Variants in CCDC187 observed in about 807,000 individuals in gnomAD.
CCDC187 encodes coiled-coil domain-containing protein 187.
A neutral mutation model predicts 38.0 loss-of-function variants in CCDC187; 32 were observed. The ratio of observed to expected loss-of-function variants is 0.84; its 90% CI spans 0.64 to 1.13. CCDC187 has a LOEUF of 1.13. Ranked by LOEUF, CCDC187 falls within the 50% of genes most tolerant of loss-of-function variation. The probability of loss-of-function intolerance (pLI) is 0.00; values close to 1 mark genes in which losing one functional copy is unlikely to be tolerated. For missense variants in CCDC187, 707 were observed against 786.8 expected (o/e 0.90, Z 1.21); for synonymous variants, 333 against 347.9 (o/e 0.96, Z 0.48).
intron 4 of CCDC187, among the ~76,000 whole-genome samples, chr9:136,293,501 A>T (rs1370886503): frequency 7.9e-6 from 1 of 126,470 alleles, no homozygotes; most frequent in African/African-American, 3.1e-5. Context: ...ATGCTCACAC[A>T]CTCACAAACA....
intron 10 of CCDC187, chr9:136,281,063 C>T (rs1176194668): frequency 3.0e-5 from 7 of 232,632 alleles, no homozygotes; most frequent in Non-Finnish European, 5.0e-5. Context: ...CCTCCAGCTG[C>T]CCTGCCAAGC....
In CCDC187 at chr9:136,264,492, T is replaced by C. The variant is rs1454440941; in HGVS notation, c.3736-694A>G. On this transcript the variant is annotated intron_variant, in intron 17 of 25. Transcript: ENST00000638797. This position sits in a 1 kb window ranked among gnomAD's most constrained non-coding sequence, Gnocchi z 4.3. ...GCAGACCCCTTCTAAGCCCCTTTTG[T>C]TTCCCCGGCTCACGTTGTTCTCTGT... Among the ~76,000 whole-genome samples, 1 of 152,116 alleles carries C rather than the reference T, an allele frequency of 6.6e-6. No homozygotes were observed. Among genetic ancestry groups the C allele is most frequent in the African/African-American group, 2.4e-5 (1 of 41,416 alleles).
At chr9:136,270,968 G>A (rs1554762323) in intron 14 of CCDC187, among the ~76,000 whole-genome samples, 1 of 152,170 alleles carries the variant, frequency 6.6e-6, no homozygotes, top group African/African-American at 2.4e-5. Flanking sequence ...ATTGATAATT[G>A]TCCATGATCA....
chr9:136,250,554 T>TA lies in CCDC187; in HGVS notation c.*3039dup, dbSNP rs1212086036. 5.8e-6 allele frequency: 2 copies of TA among 347,438 alleles called. No individual in the cohort carries two copies. The highest frequency in any genetic ancestry group is 4.0e-5 in the Admixed American group (1 of 24,780). The allele number at this position is 347,438 out of a possible 1,614,324, so 21.5% of individuals were successfully genotyped here. A position where few individuals can be genotyped will look rare whatever the true frequency, so the allele number is the denominator to read the frequency against. ...AGGGTCAGCAATAAATGGAAAAAAA[T>TA]AAAAAATCACAGACTAATTTGTTCA... On this transcript the variant is annotated 3_prime_UTR_variant, in exon 26 of 26. Transcript: ENST00000638797.
Position 136,253,627 on chromosome 9 carries a change from A to C in CCDC187, c.6201T>G (p.Phe2067Leu). Reference sequence around the variant, plus strand: ...TTCCCGCCGACCCCTGGGGCCCAGGAAACAGTCCCTCCGGCAGACTCTCCT... The same window carrying C: ...TTCCCGCCGACCCCTGGGGCCCAGGCAACAGTCCCTCCGGCAGACTCTCCT... The part of the protein sequence containing the change: ...LSEESLPEGL[F>L]PGPQGSAGTQ Residue 2067 changes from phenylalanine to leucine, a missense_variant, in exon 26 of 26, where the codon TTT (phenylalanine) becomes TTG (leucine). Phe to Leu is a conservative substitution (Grantham distance 22). Coordinates refer to ENST00000638797, the MANE Select transcript of CCDC187 (RefSeq NM_001378188.1). The C allele has an allele frequency of 1.0e-6, 1 of 985,546 alleles. No homozygotes were observed. Among genetic ancestry groups the C allele is most frequent in the Non-Finnish European group, 1.2e-6 (1 of 829,996 alleles). The allele number at this position is 985,546 out of a possible 1,614,324, so 61.1% of individuals were successfully genotyped here. A position where few individuals can be genotyped will look rare whatever the true frequency, so the allele number is the denominator to read the frequency against.
At chr9:136,293,129 TCA>T (rs1831378350) in intron 4 of CCDC187, among the ~76,000 whole-genome samples, 1 of 143,840 alleles carries the variant, frequency 7.0e-6, no homozygotes, top group African/African-American at 2.8e-5. Context: ...TCACAAACAC[TCA>T]CATGCTCACA....
chr9:136,258,617 C>G lies in CCDC187; in HGVS notation c.4366+315G>C. 2 of 807,316 alleles carry G rather than the reference C, an allele frequency of 2.5e-6. No homozygotes were observed. Among genetic ancestry groups the G allele is most frequent in the Non-Finnish European group, 3.0e-6 (2 of 667,278 alleles). 50.0% of individuals were successfully genotyped at this position (807,316 alleles called of 1,614,324 possible). A position where few individuals can be genotyped will look rare whatever the true frequency, so the allele number is the denominator to read the frequency against. On this transcript the variant is annotated intron_variant, in intron 22 of 25. Coordinates refer to ENST00000638797, the MANE Select transcript of CCDC187 (RefSeq NM_001378188.1). This position sits in a 1 kb window ranked among gnomAD's most constrained non-coding sequence, Gnocchi z 4.3. ...TGCAGAAACCTCCGTCAGCTGAAGA[C>G]GCTCAGGCAGTGCTGGCTTCCAAAC...
At chr9:136,302,039 G>A (rs1255670128) in intron 2 of CCDC187, among the ~76,000 whole-genome samples, 16 of 151,822 alleles carry the variant, frequency 1.1e-4, no homozygotes, top group African/African-American at 1.9e-4. Context: ...GTGAAACCCC[G>A]TCTCTACTAA....
intron 10 of CCDC187, among the ~76,000 whole-genome samples, chr9:136,277,240 G>A (rs1186085893): frequency 2.1e-5 from 3 of 143,382 alleles, no homozygotes; most frequent in Non-Finnish European, 4.5e-5. Context: ...CAGGCTGGCT[G>A]TGCACTCAGC....
Position 136,252,557 on chromosome 9 carries a change from T to G in CCDC187, c.*1037A>C. The G allele has an allele frequency of 6.2e-6, 1 of 162,432 alleles. No individual in the cohort carries two copies. The highest frequency in any genetic ancestry group is 1.3e-5 in the Non-Finnish European group (1 of 76,028). The allele number at this position is 162,432 out of a possible 1,614,324, so 10.1% of individuals were successfully genotyped here. A position where few individuals can be genotyped will look rare whatever the true frequency, so the allele number is the denominator to read the frequency against. ...TCCACCGGGGAAAGGTCCAGGAGAC[T>G]GTCCCGCACAGCCGGCCGCCCGGCC... On this transcript the variant is annotated 3_prime_UTR_variant, in exon 26 of 26. Transcript: ENST00000638797.
intron 10 of CCDC187, among the ~76,000 whole-genome samples, chr9:136,276,998 C>T (rs1394271655): frequency 2.0e-5 from 3 of 151,990 alleles, no homozygotes; most frequent in Non-Finnish European, 2.9e-5. Flanking sequence ...TGCATCTCCT[C>T]GTCCCTGCTA....
rs2131220843 is a variant in CCDC187 at position 136,276,669 on chromosome 9, G to A, written c.3099C>T (p.Ser1033=). The A allele has an allele frequency of 6.6e-6, 1 of 152,316 alleles. No homozygotes were observed. The highest frequency in any genetic ancestry group is 2.4e-5 in the African/African-American group (1 of 41,558). The allele number at this position is 152,316 out of a possible 1,614,324, so 9.4% of individuals were successfully genotyped here. ...GGCAAACCTTCAGAGAATCCAGAAAGCTGGAGGTCTTCTGTTGGGTGTTGG... is the reference window on the plus strand; with the variant it reads ...GGCAAACCTTCAGAGAATCCAGAAAACTGGAGGTCTTCTGTTGGGTGTTGG... ...CLPNTQQKTS[S]FLDSLKLDQQ... Residue 1033 remains serine, a synonymous_variant, in exon 11 of 26, where the codon AGC becomes AGT. Transcript: ENST00000638797.
chr9:136,274,050 T>C (rs1431128268), intron 14 of CCDC187, among the ~76,000 whole-genome samples: 1 of 152,116 alleles, frequency 6.6e-6, no homozygotes, highest in Non-Finnish European at 1.5e-5. Context: ...TGCAGAGAGC[T>C]TTCCCACCAG....
chr9:136,264,772 T>C lies in CCDC187; in HGVS notation c.3736-974A>G, dbSNP rs1373562997. Among the ~76,000 whole-genome samples the C allele has an allele frequency of 3.3e-5, 5 of 152,010 alleles. No homozygotes were observed. Among genetic ancestry groups the C allele is most frequent in the South Asian group, 2.1e-4 (1 of 4,814 alleles). On this transcript the variant is annotated intron_variant, in intron 17 of 25. Coordinates refer to ENST00000638797, the MANE Select transcript of CCDC187 (RefSeq NM_001378188.1). This position sits in a 1 kb window ranked among gnomAD's most constrained non-coding sequence, Gnocchi z 4.3. Reference sequence around the variant, plus strand: ...CCACCCCAGCTCACCTTTTTTTTTTTTGAAACAAGGTCTCACTCTGTTGCC... The same window carrying C: ...CCACCCCAGCTCACCTTTTTTTTTTCTGAAACAAGGTCTCACTCTGTTGCC...
At chr9:136,263,417 G>A (rs1258582626) in intron 18 of CCDC187, among the ~76,000 whole-genome samples, 1 of 152,048 alleles carries the variant, frequency 6.6e-6, no homozygotes, top group Non-Finnish European at 1.5e-5. Context: ...TGTATTTTTA[G>A]TAGAGACGGG....
rs878962393 is a variant in CCDC187, at chr9:136,289,518, CAAAAAAAA to C, written c.2222+433_2222+440del. On this transcript the variant is annotated intron_variant, in intron 7 of 25. Transcript: ENST00000638797. ...TGGGCAACAGAGCAAAACTCCATCTCAAAAAAAAAAAAAAAAAAAAAAAAGAATAGGCA... is the reference window on the plus strand; with the variant it reads ...TGGGCAACAGAGCAAAACTCCATCTCAAAAAAAAAAAAAAAAGAATAGGCA... 1.3e-4 allele frequency among the ~76,000 whole-genome samples: 9 copies of C among 67,296 alleles called. No homozygotes were observed. In the South Asian group the frequency reaches 1.7e-3, roughly 13 times the overall value. 44.1% of individuals were successfully genotyped at this position (67,296 alleles called of 152,430 possible).
chr9:136,272,566 G>A (rs1436299817), intron 14 of CCDC187, among the ~76,000 whole-genome samples: 2 of 152,146 alleles, frequency 1.3e-5, no homozygotes, highest in South Asian at 2.1e-4. Flanking sequence ...AGCTGGGCGT[G>A]GTGGTGCACA....
intron 15 of CCDC187, 180 bp from the exon 16 acceptor site, chr9:136,267,691 C>T: frequency 6.5e-6 from 6 of 925,846 alleles, no homozygotes; most frequent in Non-Finnish European, 7.7e-6. Flanking sequence ...ATGCCGCCCT[C>T]GCTTCCCCGA....
intron 4 of CCDC187, among the ~76,000 whole-genome samples, chr9:136,293,330 T>C (rs1391364441): frequency 0.094 from 7,754 of 82,384 alleles, 403 homozygotes; most frequent in Middle Eastern, 0.25. Flanking sequence ...CTCACATGCT[T>C]ACACACTCAC....
Sources: allele counts gnomAD v4.1 joint callset (sites outside exome capture counted in the v4.1 genomes callset), GRCh38; gene constraint gnomAD v4.1.1; non-coding constraint Gnocchi (gnomAD v3.1); transcripts MANE v1.5; gene names NCBI Gene and HGNC (gene_info 2026-07-23, HGNC 2026-07-21).